Variants in COL19A1 observed in about 807,000 individuals in gnomAD.
COL19A1 encodes the protein collagen type XIX alpha 1 chain.
In COL19A1, 159 loss-of-function variants were observed where a neutral mutation model predicts 190.2. That is an observed-to-expected ratio of 0.84 (90% confidence interval 0.73 to 0.95). The LOEUF (loss-of-function observed/expected upper bound fraction) is 0.95. Ranked by LOEUF, COL19A1 falls within the 40% of genes least tolerant of loss-of-function variation. The probability of loss-of-function intolerance (pLI) is 0.00; values close to 1 mark genes in which losing one functional copy is unlikely to be tolerated. For missense variants in COL19A1, 1,418 were observed against 1,431.9 expected, an observed-to-expected ratio of 0.99 and a Z score of 0.16; for synonymous variants, 509 against 458.9, an observed-to-expected ratio of 1.11 and a Z score of -1.39.
At chr6:70,082,962 C>G (rs1431831758) in intron 15 of COL19A1, among the ~76,000 whole-genome samples, 1 of 152,166 alleles carries the variant, frequency 6.6e-6, no homozygotes, top group Non-Finnish European at 1.5e-5. Context: ...ACTGATGTGA[C>G]AGGAGGCAGA....
chr6:70,160,088 A>G (rs1583054607), intron 34 of COL19A1, among the ~76,000 whole-genome samples: 1 of 152,264 alleles, frequency 6.6e-6, no homozygotes, highest in Admixed American at 6.5e-5. Flanking sequence ...GTCATGGTCC[A>G]CAACTCTATT....
chr6:70,187,115 G>A (rs905451026), intron 46 of COL19A1, among the ~76,000 whole-genome samples: 2 of 152,012 alleles, frequency 1.3e-5, no homozygotes, highest in African/African-American at 4.8e-5. Context: ...CCTGACCTCA[G>A]GTGATCTGCC....
chr6:70,155,413 A>G (rs977684364), intron 31 of COL19A1, among the ~76,000 whole-genome samples: 2 of 152,078 alleles, frequency 1.3e-5, no homozygotes, highest in Non-Finnish European at 2.9e-5. Context: ...AGAGCTTTTC[A>G]CACACACTTT....
intron 7 of COL19A1, among the ~76,000 whole-genome samples, chr6:69,935,917 C>T (rs1582455079): frequency 1.3e-5 from 2 of 151,986 alleles, no homozygotes; most frequent in South Asian, 4.1e-4. Context: ...ATTTCAACCA[C>T]AGTAGAAAAC....
At chr6:70,065,846 A>G (rs1781159229) in intron 14 of COL19A1, among the ~76,000 whole-genome samples, 1 of 152,354 alleles carries the variant, frequency 6.6e-6, no homozygotes, top group African/African-American at 2.4e-5. Flanking sequence ...CAGCCAACAG[A>G]CACATGAAAA....
chr6:70,091,976 C>T (rs1782957602), intron 15 of COL19A1, among the ~76,000 whole-genome samples: 1 of 152,092 alleles, frequency 6.6e-6, no homozygotes, highest in African/African-American at 2.4e-5. Context: ...AAAATACTCT[C>T]GGTTTTGTAC....
In COL19A1 at chr6:70,199,680, C is replaced by G. The variant is rs923660917; in HGVS notation, c.3167C>G (p.Pro1056Arg). 3 of 1,610,042 alleles carry G rather than the reference C, an allele frequency of 1.9e-6. No homozygotes were observed. In the African/African-American group the frequency reaches 4.0e-5, roughly 21 times the overall value. Residue 1056 changes from proline to arginine, a missense_variant, in exon 49 of 51, where the codon CCT becomes CGT. Coordinates refer to ENST00000620364, the MANE Select transcript of COL19A1 (RefSeq NM_001858.6). ...TTGGCTGCCCAAGCTTATGGGAGAC[C>G]TGGGCCACCAGGGAAGGATGGGTTG... ...AMLAAQAYGR[P>R]GPPGKDGLPG...
At chr6:70,124,646 C>T (rs1039402566) in intron 17 of COL19A1, among the ~76,000 whole-genome samples, 3 of 151,842 alleles carry the variant, frequency 2.0e-5, no homozygotes, top group Admixed American at 6.6e-5. Context: ...ATTATTAACT[C>T]ACCTAAAAGA....
At chr6:70,165,492 C>T (rs575937504) in intron 36 of COL19A1, among the ~76,000 whole-genome samples, 5 of 152,044 alleles carry the variant, frequency 3.3e-5, no homozygotes, top group South Asian at 4.1e-4. Flanking sequence ...TTTTTACTTT[C>T]GTCAAATTAT....
At chr6:69,949,057 A>T (rs1350879163) in intron 9 of COL19A1, among the ~76,000 whole-genome samples, 1 of 151,846 alleles carries the variant, frequency 6.6e-6, no homozygotes, top group Non-Finnish European at 1.5e-5. Context: ...TGTCCTGGCA[A>T]ATACTCTTTC....
chr6:69,987,316 C>T (rs931158355), intron 11 of COL19A1, among the ~76,000 whole-genome samples: 2 of 152,182 alleles, frequency 1.3e-5, no homozygotes, highest in Non-Finnish European at 2.9e-5. Context: ...TTACTAATAA[C>T]TCTATGTCTA....
At chr6:70,155,243 A>G (rs1367016263) in intron 31 of COL19A1, among the ~76,000 whole-genome samples, 1 of 152,120 alleles carries the variant, frequency 6.6e-6, no homozygotes, top group Non-Finnish European at 1.5e-5. Context: ...TTTCATGTTT[A>G]AAGATTCTTC....
chr6:70,062,513 C>T (rs2150143338), intron 14 of COL19A1, among the ~76,000 whole-genome samples: 1 of 152,180 alleles, frequency 6.6e-6, no homozygotes, highest in East Asian at 1.9e-4. Flanking sequence ...CTGGTAACGG[C>T]CACTGCAAAA....
chr6:69,900,298 T>C lies in COL19A1; in HGVS notation c.226T>C (p.Cys76Arg). Residue 76 changes from cysteine (C) to arginine (R), a missense_variant, in exon 4 of 51, where the codon TGT becomes CGT. Physicochemically the swap from Cys to Arg is radical, Grantham distance 180 (BLOSUM62 -3). Transcript: ENST00000620364. ...RRAFCESDKT[C>R]FKLGSALLIR... ...TGCATTTTGTGAAAGTGATAAAACC[T>C]GTTTCAAATTGGGAAGTGCACTTCT... 1 of 1,594,078 alleles carries C rather than the reference T, an allele frequency of 6.3e-7. No homozygotes were observed. Among genetic ancestry groups the C allele is most frequent in the Non-Finnish European group, 8.5e-7 (1 of 1,169,812 alleles).
rs1448346137 is a variant in COL19A1, at chr6:70,165,970, A to C, written c.2430A>C (p.Gly810=). The change falls in exon 37 of 51, where the codon GGA becomes GGC. Residue 810 remains glycine (G), a synonymous_variant. Coordinates refer to ENST00000620364, the MANE Select transcript of COL19A1 (RefSeq NM_001858.6). ...GCGACGGACCCCCTGGGAAACCCGG[A>C]CCACCTGGACCACCTGTGAGTTGTT... is the stretch of plus-strand genomic sequence containing the variant. ...KGSDGPPGKP[G]PPGPPGIPFN... The C allele has an allele frequency of 6.2e-7, 1 of 1,613,884 alleles. No homozygotes were observed. The highest frequency in any genetic ancestry group is 8.5e-7 in the Non-Finnish European group (1 of 1,179,810).
chr6:70,051,851 A>G (rs571503888), intron 14 of COL19A1, among the ~76,000 whole-genome samples: 1 of 152,168 alleles, frequency 6.6e-6, no homozygotes, highest in Admixed American at 6.5e-5. Context: ...AAACTATTCA[A>G]TTTGTCTCAT....
At chr6:70,082,325 T>A (rs754225138) in intron 15 of COL19A1, among the ~76,000 whole-genome samples, 4 of 152,184 alleles carry the variant, frequency 2.6e-5, no homozygotes, top group Non-Finnish European at 4.4e-5. Context: ...ACTTCAAAAT[T>A]TCTTCTTCCA....
chr6:70,112,997 T>A (rs1393960156), intron 16 of COL19A1, among the ~76,000 whole-genome samples: 1 of 152,180 alleles, frequency 6.6e-6, no homozygotes, highest in Non-Finnish European at 1.5e-5. Context: ...TCATTCAACA[T>A]CCAGAGCTGC....
intron 1 of COL19A1, among the ~76,000 whole-genome samples, chr6:69,875,893 A>T (rs1227309671): frequency 6.6e-6 from 1 of 152,164 alleles, no homozygotes; most frequent in African/African-American, 2.4e-5. Context: ...ATTTAAAGCC[A>T]AGAGAATGGT....
Sources: gnomAD v4.1 joint callset for allele counts (sites outside exome capture counted in the v4.1 genomes callset) on GRCh38, gnomAD v4.1.1 for gene constraint, MANE v1.5 for transcripts, NCBI Gene and HGNC (gene_info 2026-07-23, HGNC 2026-07-21) for gene names.